THNSL1: variants seen among roughly 807,000 people sequenced by gnomAD.
The protein encoded by THNSL1 is threonine synthase like 1.
THNSL1 carries 48 observed loss-of-function variants against 50.4 expected under a neutral mutation model. The observed-to-expected ratio is 0.95, with a 90% CI of 0.76 to 1.21. The LOEUF is 1.21. THNSL1 is among the 50% of genes most tolerant of loss of function. The pLI, the probability that THNSL1 is intolerant of heterozygous loss-of-function variation, is 0.00. For missense variants in THNSL1, 896 were observed against 871.7 expected, an observed-to-expected ratio of 1.03 and a Z score of -0.35; for synonymous variants, 309 against 306.1, an observed-to-expected ratio of 1.01 and a Z score of -0.10.
the THNSL1 span, chr10:24,984,381 A>AG: frequency 8.7e-5 from 134 of 1,548,796 alleles, no homozygotes; most frequent in East Asian, 2.3e-3. Context: ...CATGCGCTGC[A>AG]GAAAAAAAAA....
the THNSL1 span, among the ~76,000 whole-genome samples, chr10:24,986,414 A>G: frequency 3.3e-5 from 5 of 152,182 alleles, no homozygotes; most frequent in Admixed American, 1.3e-4. Flanking sequence ...TCCAGGTTAA[A>G]TTTTAAAAAG....
Position 25,025,420 on chromosome 10 carries a change from C to T in THNSL1, c.2197C>T (p.His733Tyr), listed in dbSNP as rs1564351221. The part of the protein sequence containing the change: ...CAADMNVLKS[H>Y]VEQLVQNQFI Reference sequence around the variant, plus strand: ...AGCTGATATGAATGTCTTGAAGAGTCATGTGGAACAACTTGTCCAAAATCA... The same window carrying T: ...AGCTGATATGAATGTCTTGAAGAGTTATGTGGAACAACTTGTCCAAAATCA... The change falls in exon 3 of 3, where the codon CAT becomes TAT. Residue 733 changes from histidine to tyrosine, a missense_variant. His to Tyr is a moderately conservative substitution (Grantham distance 83). Coordinates refer to ENST00000376356, the MANE Select transcript of THNSL1 (RefSeq NM_024838.5). The T allele has an allele frequency of 6.2e-7, 1 of 1,610,388 alleles. No individual in the cohort carries two copies. Among genetic ancestry groups the T allele is most frequent in the African/African-American group, 1.3e-5 (1 of 74,896 alleles).
At chr10:24,975,034 G>GA in the THNSL1 span, among the ~76,000 whole-genome samples, 6 of 151,884 alleles carry the variant, frequency 4.0e-5, no homozygotes, top group African/African-American at 9.7e-5. Flanking sequence ...CAATAATTCT[G>GA]AAAAAAAGCC....
At chr10:24,998,355 CT>C in the THNSL1 span, among the ~76,000 whole-genome samples, 1 of 104,704 alleles carries the variant, frequency 9.6e-6, no homozygotes, top group Non-Finnish European at 1.9e-5. Context: ...CCCTTCCTTC[CT>C]TCCTCTCTCT....
the THNSL1 span, among the ~76,000 whole-genome samples, chr10:24,966,171 G>A: frequency 6.6e-6 from 1 of 152,204 alleles, no homozygotes; most frequent in Admixed American, 6.5e-5. Context: ...AGTAGAAACT[G>A]GAACCTCTCT....
chr10:25,018,391 A>G (rs911126063), intron 1 of THNSL1, among the ~76,000 whole-genome samples: 3 of 152,236 alleles, frequency 2.0e-5, no homozygotes, highest in Non-Finnish European at 2.9e-5. Context: ...CAAACTGTCT[A>G]TAAAGGGGTA....
At chr10:24,999,311 G>C in the THNSL1 span, 1 of 1,273,526 alleles carries the variant, frequency 7.9e-7, no homozygotes, top group South Asian at 1.5e-5. Context: ...GCTATCACCT[G>C]TGCATGTTTA....
At chr10:24,962,363 G>A in the THNSL1 span, among the ~76,000 whole-genome samples, 1 of 152,040 alleles carries the variant, frequency 6.6e-6, no homozygotes, top group African/African-American at 2.4e-5. Flanking sequence ...CTTACATTAG[G>A]AAGAAAATAT....
At chr10:24,987,000 C>T in the THNSL1 span, among the ~76,000 whole-genome samples, 1 of 152,142 alleles carries the variant, frequency 6.6e-6, no homozygotes, top group Non-Finnish European at 1.5e-5. Flanking sequence ...GCTCCTTTTG[C>T]ACCCTCGCCC....
the THNSL1 span, among the ~76,000 whole-genome samples, chr10:24,976,408 G>A: frequency 8.5e-5 from 13 of 152,118 alleles, no homozygotes; most frequent in African/African-American, 2.9e-4. Flanking sequence ...GACTCACATG[G>A]TTGCAATGTT....
chr10:25,001,746 G>A, the THNSL1 span, among the ~76,000 whole-genome samples: 1 of 151,870 alleles, frequency 6.6e-6, no homozygotes, highest in Non-Finnish European at 1.5e-5. Context: ...CCCCATCTTG[G>A]TTCATGCTTT....
upstream of THNSL1, among the ~76,000 whole-genome samples, chr10:25,014,119 C>T (rs1850512142): frequency 6.6e-6 from 1 of 152,120 alleles, no homozygotes; most frequent in South Asian, 2.1e-4. Flanking sequence ...TGCCTTTCAT[C>T]CGATTTTGGT....
the THNSL1 span, among the ~76,000 whole-genome samples, chr10:25,008,124 CT>C: frequency 2.0e-5 from 3 of 151,818 alleles, no homozygotes; most frequent in Non-Finnish European, 2.9e-5. Flanking sequence ...AAAATACATT[CT>C]AACACTTAAA....
the THNSL1 span, among the ~76,000 whole-genome samples, chr10:24,967,938 ATG>A: frequency 0.088 from 13,135 of 148,530 alleles, 736 homozygotes; most frequent in South Asian, 0.14. Flanking sequence ...GTGTGTGTAT[ATG>A]TGTGTATGTG....
intron 1 of THNSL1, among the ~76,000 whole-genome samples, chr10:25,019,578 A>G (rs997998077): frequency 6.6e-6 from 1 of 152,248 alleles, no homozygotes; most frequent in African/African-American, 2.4e-5. Flanking sequence ...TGTATTATGT[A>G]TTATAAGTTA....
chr10:24,963,233 T>A, the THNSL1 span, among the ~76,000 whole-genome samples: 4 of 152,238 alleles, frequency 2.6e-5, no homozygotes, highest in African/African-American at 9.6e-5. Context: ...GCCTTAGCAA[T>A]TGTGAAAGTC....
At chr10:24,991,708 G>A in the THNSL1 span, among the ~76,000 whole-genome samples, 1 of 152,162 alleles carries the variant, frequency 6.6e-6, no homozygotes, top group African/African-American at 2.4e-5. Flanking sequence ...CCAAGCCCAC[G>A]TGTGATCCAA....
the THNSL1 span, among the ~76,000 whole-genome samples, chr10:24,962,583 G>A: frequency 6.6e-6 from 1 of 152,180 alleles, no homozygotes; most frequent in Admixed American, 6.6e-5. Context: ...CTGTAAAAAG[G>A]ATTAGAAGAA....
the THNSL1 span, among the ~76,000 whole-genome samples, chr10:24,992,752 C>A: frequency 1.3e-5 from 2 of 152,178 alleles, no homozygotes; most frequent in African/African-American, 4.8e-5. Context: ...TGTAACTTAA[C>A]CCATCCTGAC....
Sources: gnomAD v4.1 joint callset for allele counts (sites outside exome capture counted in the v4.1 genomes callset) on GRCh38, gnomAD v4.1.1 for gene constraint, MANE v1.5 for transcripts, NCBI Gene and HGNC (gene_info 2026-07-23, HGNC 2026-07-21) for gene names.